PHF21A: variants seen among roughly 807,000 people sequenced by gnomAD.
PHF21A encodes PHD finger protein 21A, also known as BHC80a.
Under a neutral mutation model 82.5 loss-of-function variants are expected in PHF21A, and 11 were observed. That is an observed-to-expected ratio of 0.13 (90% CI 0.08 to 0.22). PHF21A has a LOEUF of 0.22. Ranked by LOEUF, PHF21A falls within the 10% of genes least tolerant of loss-of-function variation. The pLI, the probability that PHF21A is intolerant of heterozygous loss-of-function variation, is 1.00. For synonymous variants in PHF21A, 297 were observed against 302.8 expected (o/e 0.98, Z 0.20); for missense variants, 579 against 837.8 (o/e 0.69, Z 3.81).
In PHF21A at chr11:45,931,716, G is replaced by A. The variant is rs907095458; in HGVS notation, c.*2252C>T. 7 of 152,294 alleles carry A rather than the reference G, an allele frequency of 4.6e-5. No homozygotes were observed. The highest frequency in any genetic ancestry group is 2.0e-4 in the Admixed American group (3 of 15,286). The allele number at this position is 152,294 out of a possible 1,614,324, so 9.4% of individuals were successfully genotyped here. On this transcript the variant is annotated 3_prime_UTR_variant, in exon 19 of 19. Coordinates refer to ENST00000676320, the MANE Select transcript of PHF21A (RefSeq NM_001352027.3). ...ACTCTGGCCATTCCCAGGGCCTGGA[G>A]TGGGCTTGGGGGAGATGCTCCAGCA...
chr11:46,064,508 T>A (rs77425178), intron 6 of PHF21A, among the ~76,000 whole-genome samples: 3 of 152,090 alleles, frequency 2.0e-5, no homozygotes, highest in African/African-American at 4.8e-5. Context: ...TGGGAGTAAA[T>A]CAACTTTGGG....
At chr11:46,100,125 A>T (rs1017044681) in intron 1 of PHF21A, among the ~76,000 whole-genome samples, 2 of 152,246 alleles carry the variant, frequency 1.3e-5, no homozygotes, top group South Asian at 4.1e-4. Flanking sequence ...AATCACGCTG[A>T]TAAGTAAGTA....
intron 6 of PHF21A, among the ~76,000 whole-genome samples, chr11:46,028,996 C>T (rs1370341622): frequency 6.6e-6 from 1 of 152,188 alleles, no homozygotes; most frequent in Non-Finnish European, 1.5e-5. Context: ...TCTATTGGAT[C>T]TACAAATTGT....
chr11:46,082,517 T>C (rs1294637942), intron 4 of PHF21A, among the ~76,000 whole-genome samples: 1 of 152,188 alleles, frequency 6.6e-6, no homozygotes, highest in Non-Finnish European at 1.5e-5. Context: ...GACATATAAA[T>C]AAATGTTTAT....
chr11:46,105,149 G>T (rs907893001), intron 1 of PHF21A, among the ~76,000 whole-genome samples: 1 of 152,204 alleles, frequency 6.6e-6, no homozygotes, highest in African/African-American at 2.4e-5. Flanking sequence ...TTTGGCCACA[G>T]TCAGAGCTAA....
Position 45,938,209 on chromosome 11 carries a change from G to C in PHF21A, c.1556C>G (p.Pro519Arg), listed in dbSNP as rs1197331615. 1 of 1,606,390 alleles carries C rather than the reference G, an allele frequency of 6.2e-7. No individual in the cohort carries two copies. Among genetic ancestry groups the C allele is most frequent in the Admixed American group, 1.7e-5 (1 of 58,748 alleles). Residue 519 changes from proline to arginine, a missense_variant, in exon 16 of 19, where the codon CCT becomes CGT. This residue lies in a region of PHF21A where 410 missense variants were observed against 642.1 expected (regional missense o/e 0.64). Transcript: ENST00000676320. ...RVYHLDCLDPPLKTIPKGMWI... is the reference protein window; with the variant it reads ...RVYHLDCLDPRLKTIPKGMWI... ...CATGCCCTTGGGAATTGTTTTCAGA[G>C]GGGGGTCTAAGCAGTCCAAATGATA... is the stretch of plus-strand genomic sequence containing the variant.
chr11:45,938,071 T>C (rs2089508822), intron 16 of PHF21A, 86 bp downstream of exon 16: 1 of 1,179,278 alleles, frequency 8.5e-7, no homozygotes, highest in Non-Finnish European at 1.2e-6. Flanking sequence ...GAGAAGAGAC[T>C]GCCATTTCCC....
intron 10 of PHF21A, among the ~76,000 whole-genome samples, 166 bp downstream of exon 10, chr11:45,965,149 G>A (rs966326140): frequency 1.3e-5 from 2 of 152,226 alleles, no homozygotes; most frequent in African/African-American, 4.8e-5. Context: ...TCTTCAGTAA[G>A]AATGACCCTT....
At chr11:45,938,575 C>T (rs2089657796) in intron 15 of PHF21A, among the ~76,000 whole-genome samples, 1 of 152,078 alleles carries the variant, frequency 6.6e-6, no homozygotes, top group South Asian at 2.1e-4. Context: ...CTGAAACCTC[C>T]GTACTGAACC....
intron 6 of PHF21A, among the ~76,000 whole-genome samples, chr11:46,018,146 A>G (rs953091046): frequency 1.3e-5 from 2 of 150,360 alleles, no homozygotes; most frequent in Admixed American, 6.6e-5. Flanking sequence ...GCTACTTGGG[A>G]GGCTGAGGCA....
chr11:45,937,534 G>A (rs554143109), intron 16 of PHF21A, among the ~76,000 whole-genome samples: 2 of 152,344 alleles, frequency 1.3e-5, no homozygotes, highest in African/African-American at 4.8e-5. Flanking sequence ...AGGCTGGAGT[G>A]CAGTGGTGTG....
chr11:46,112,368 G>T (rs1190974505), intron 1 of PHF21A, among the ~76,000 whole-genome samples: 1 of 152,178 alleles, frequency 6.6e-6, no homozygotes, highest in Non-Finnish European at 1.5e-5. Flanking sequence ...TACTACTGCT[G>T]CTGCTGCTAA....
chr11:46,011,776 G>A (rs1282233126), intron 6 of PHF21A, among the ~76,000 whole-genome samples: 1 of 152,126 alleles, frequency 6.6e-6, no homozygotes, highest in Non-Finnish European at 1.5e-5. Flanking sequence ...GGAATTTTAC[G>A]AGTTTTTATT....
chr11:46,095,575 C>T (rs1288241704), intron 1 of PHF21A, among the ~76,000 whole-genome samples: 3 of 152,062 alleles, frequency 2.0e-5, no homozygotes, highest in Non-Finnish European at 4.4e-5. Flanking sequence ...CTCTCCAGAA[C>T]TTCACAGGTA....
At chr11:45,996,799 A>G (rs2094924269) in intron 6 of PHF21A, among the ~76,000 whole-genome samples, 1 of 152,246 alleles carries the variant, frequency 6.6e-6, no homozygotes, top group Non-Finnish European at 1.5e-5. Context: ...GCAACTCAGA[A>G]TAAAGTTTCC....
At chr11:46,040,067 A>G (rs892953826) in intron 6 of PHF21A, among the ~76,000 whole-genome samples, 4 of 152,204 alleles carry the variant, frequency 2.6e-5, no homozygotes, top group African/African-American at 9.6e-5. Context: ...CAACCTTCCA[A>G]GTCTTTTTGT....
chr11:45,952,589 C>T (rs2092264378), intron 11 of PHF21A, among the ~76,000 whole-genome samples: 1 of 152,118 alleles, frequency 6.6e-6, no homozygotes, highest in Admixed American at 6.6e-5. Flanking sequence ...TTCTTTTTGG[C>T]TTAAGTTTTG....
Position 45,930,277 on chromosome 11 carries a change from C to G in PHF21A, c.*3691G>C, listed in dbSNP as rs772615464. The G allele has an allele frequency of 2.6e-5, 4 of 152,278 alleles. No individual in the cohort carries two copies. The highest frequency in any genetic ancestry group is 4.8e-5 in the African/African-American group (2 of 41,446). 9.4% of individuals were successfully genotyped at this position (152,278 alleles called of 1,614,324 possible). The stretch of plus-strand genomic sequence containing the variant: ...CGTGCTGCAGACACGGTCACCCTCA[C>G]GGAAACAGCTGTGTGTAACCACCTC... On this transcript the variant is annotated 3_prime_UTR_variant, in exon 19 of 19. Coordinates refer to ENST00000676320, the MANE Select transcript of PHF21A (RefSeq NM_001352027.3).
chr11:46,040,214 C>T (rs2096100694), intron 6 of PHF21A, among the ~76,000 whole-genome samples: 1 of 152,084 alleles, frequency 6.6e-6, no homozygotes, highest in Non-Finnish European at 1.5e-5. Flanking sequence ...TAATACAAGT[C>T]ACATAGGAAA....
Sources: allele counts gnomAD v4.1 joint callset (sites outside exome capture counted in the v4.1 genomes callset), GRCh38; gene constraint gnomAD v4.1.1; regional missense constraint gnomAD v4.1.1; transcripts MANE v1.5; gene names NCBI Gene and HGNC (gene_info 2026-07-23, HGNC 2026-07-21).